The following PIWIL1 variants were observed in gnomAD, a reference collection of about 807,000 sequenced individuals.
The protein encoded by PIWIL1 is piwi-like protein 1.
In PIWIL1, 73 loss-of-function variants were observed where a neutral mutation model predicts 114.4. The observed-to-expected ratio is 0.64, with a 90% CI of 0.53 to 0.78. PIWIL1 has a LOEUF of 0.78. Among genes scored for constraint, PIWIL1 ranks in the 30% least tolerant of loss-of-function variants. PIWIL1 has a pLI of 0.00. For missense variants in PIWIL1, 723 were observed against 1,063.1 expected (o/e 0.68, Z 4.45); for synonymous variants, 375 against 369.0 (o/e 1.02, Z -0.19).
chr12:130,396,433 A>AACTT, the PIWIL1 span: 5 of 152,680 alleles, frequency 3.3e-5, no homozygotes, highest in Non-Finnish European at 7.3e-5. Flanking sequence ...ATCTGCCAGC[A>AACTT]ACTTTGTAAG....
the PIWIL1 span, among the ~76,000 whole-genome samples, chr12:130,393,568 G>A: frequency 6.6e-6 from 1 of 152,204 alleles, no homozygotes; most frequent in African/African-American, 2.4e-5. Flanking sequence ...TGATGACCCA[G>A]TCACCATCCT....
rs770124769 is a variant in PIWIL1 at position 130,367,157 on chromosome 12, G to A, written c.2220G>A (p.Val740=). Residue 740 remains valine, a synonymous_variant, in exon 19 of 21, where the codon GTG becomes GTA. Coordinates refer to ENST00000245255, the MANE Select transcript of PIWIL1 (RefSeq NM_004764.5). ...GCCCTAGACTAACGGTAATTGTGGT[G>A]AAGAAAAGAGTGAACACCAGATTTT... ...GYNPRLTVIV[V]KKRVNTRFFA... is the part of the protein sequence containing the mutation. 6.2e-7 allele frequency: 1 copy of A among 1,614,134 alleles called. No homozygotes were observed. Among genetic ancestry groups the A allele is most frequent in the Non-Finnish European group, 8.5e-7 (1 of 1,179,992 alleles).
chr12:130,355,711 A>C, intron 12 of PIWIL1, 44 bp downstream of exon 12: 3 of 1,313,326 alleles, frequency 2.3e-6, no homozygotes, highest in African/African-American at 1.4e-5. Flanking sequence ...TTTGAGACGG[A>C]GTCTCGCTCT....
At chr12:130,350,088 G>T in intron 9 of PIWIL1, 121 bp downstream of exon 9, 1 of 567,846 alleles carries the variant, frequency 1.8e-6, no homozygotes, top group South Asian at 2.5e-5. Context: ...TATTTGTTAG[G>T]GCAATCACAG....
intron 9 of PIWIL1, 33 bp from the exon 10 acceptor site, chr12:130,354,503 GC>G: frequency 6.2e-7 from 1 of 1,613,594 alleles, no homozygotes; most frequent in Non-Finnish European, 8.5e-7. Flanking sequence ...CGAGGCATTT[GC>G]CGTGAACAGC....
the PIWIL1 span, among the ~76,000 whole-genome samples, chr12:130,402,057 C>T: frequency 6.6e-6 from 1 of 152,172 alleles, no homozygotes; most frequent in Admixed American, 6.5e-5. Flanking sequence ...TTCTTTTGGG[C>T]TGAACACACA....
intron 1 of PIWIL1, among the ~76,000 whole-genome samples, chr12:130,340,392 C>T (rs973665988): frequency 6.6e-6 from 1 of 151,984 alleles, no homozygotes; most frequent in Admixed American, 6.6e-5. Flanking sequence ...GGGATGGTTT[C>T]GGGATGAAAC....
At chr12:130,353,991 G>C (rs953780035) in intron 9 of PIWIL1, among the ~76,000 whole-genome samples, 4 of 151,924 alleles carry the variant, frequency 2.6e-5, no homozygotes, top group African/African-American at 9.7e-5. Context: ...ATTTTGGGCA[G>C]TGATTGCATC....
the PIWIL1 span, chr12:130,421,061 C>T: frequency 6.6e-6 from 1 of 152,304 alleles, no homozygotes; most frequent in Non-Finnish European, 1.5e-5. Flanking sequence ...GAGCCTTGAA[C>T]AGGGGGATTG....
intron 18 of PIWIL1, among the ~76,000 whole-genome samples, chr12:130,365,043 G>A (rs1432538188): frequency 6.6e-6 from 1 of 152,150 alleles, no homozygotes; most frequent in Non-Finnish European, 1.5e-5. Context: ...TGAAAAGGAG[G>A]TTGCCACCCT....
chr12:130,356,127 A>G (rs1462478205), intron 12 of PIWIL1, among the ~76,000 whole-genome samples: 1 of 152,006 alleles, frequency 6.6e-6, no homozygotes, highest in Non-Finnish European at 1.5e-5. Context: ...TGCCACTAAA[A>G]TGATGGAAAA....
At chr12:130,416,848 A>G in the PIWIL1 span, among the ~76,000 whole-genome samples, 2 of 152,232 alleles carry the variant, frequency 1.3e-5, no homozygotes, top group Non-Finnish European at 2.9e-5. Flanking sequence ...CGGAATCTGC[A>G]AGGAACTTAA....
the PIWIL1 span, among the ~76,000 whole-genome samples, chr12:130,391,252 C>T: frequency 1.2e-3 from 184 of 152,346 alleles, 2 homozygotes; most frequent in East Asian, 0.026. Flanking sequence ...TCACCGTCTC[C>T]GCTTCGGAAA....
chr12:130,401,118 CTTTT>C, the PIWIL1 span, among the ~76,000 whole-genome samples: 6 of 149,790 alleles, frequency 4.0e-5, no homozygotes, highest in South Asian at 6.4e-4. Flanking sequence ...GATTTTATAT[CTTTT>C]TTTTTTAAAT....
chr12:130,416,698 G>T, the PIWIL1 span, among the ~76,000 whole-genome samples: 1 of 152,110 alleles, frequency 6.6e-6, no homozygotes. Flanking sequence ...AAAAACAATT[G>T]CCACACAAAC....
At position 130,343,106 on chromosome 12, in the gene PIWIL1, A is replaced by G; in HGVS notation, c.190+5A>G. 6.2e-7 allele frequency: 1 copy of G among 1,602,770 alleles called. No homozygotes were observed. Among genetic ancestry groups the G allele is most frequent in the South Asian group, 1.1e-5 (1 of 89,648 alleles). On this transcript the variant is annotated splice_donor_5th_base_variant and intron_variant, in intron 3 of 20. Coordinates refer to ENST00000245255, the MANE Select transcript of PIWIL1 (RefSeq NM_004764.5). ...GAGGAACAGCCAAGTCACAAGGTGA[A>G]GAGAAAGTAAAAGGAAGTCTTAACA...
chr12:130,354,172 ATAGTTT>A lies in PIWIL1; in HGVS notation c.1045-361_1045-356del, dbSNP rs549779142. 3.9e-5 allele frequency among the ~76,000 whole-genome samples: 6 copies of A among 152,272 alleles called. No homozygotes were observed. The East Asian group carries it at 7.7e-4, about 20-fold the overall frequency. On this transcript the variant is annotated intron_variant, in intron 9 of 20. Coordinates refer to ENST00000245255, the MANE Select transcript of PIWIL1 (RefSeq NM_004764.5). Reference sequence around the variant, plus strand: ...TAGTAAGTTCTCTCAGTAACAGAGAATAGTTTTAGAGGAATCATCCTATGGTGAAGT... The same window carrying A: ...TAGTAAGTTCTCTCAGTAACAGAGAATAGAGGAATCATCCTATGGTGAAGT...
At chr12:130,424,852 T>C in the PIWIL1 span, 1 of 1,232,354 alleles carries the variant, frequency 8.1e-7, no homozygotes, top group Non-Finnish European at 1.0e-6. The surrounding 1 kb of genome is among the most constrained non-coding windows in gnomAD (Gnocchi z 9.8). Flanking sequence ...CTATGGTCAG[T>C]GCAGTCCTTA....
chr12:130,410,421 C>T, the PIWIL1 span, among the ~76,000 whole-genome samples: 2 of 152,082 alleles, frequency 1.3e-5, no homozygotes, highest in African/African-American at 4.8e-5. Context: ...GTTTTAATGT[C>T]CTGTCAAAGA....
Sources: allele counts gnomAD v4.1 joint callset (sites outside exome capture counted in the v4.1 genomes callset), GRCh38; gene constraint gnomAD v4.1.1; non-coding constraint Gnocchi (gnomAD v3.1); transcripts MANE v1.5; gene names NCBI Gene and HGNC (gene_info 2026-07-23, HGNC 2026-07-21).